SETDB1: variants seen among roughly 807,000 people sequenced by gnomAD.
SETDB1 encodes the protein SET domain bifurcated histone lysine methyltransferase 1, also known as histone-lysine N-methyltransferase SETDB1.
Under a neutral mutation model 137.4 loss-of-function variants are expected in SETDB1, and 31 were observed. The ratio of observed to expected loss-of-function variants is 0.23; its 90% CI spans 0.17 to 0.30. The LOEUF is 0.30. Ranked by LOEUF, SETDB1 falls within the 10% of genes least tolerant of loss-of-function variation. The pLI is 1.00. For missense variants in SETDB1, 1,113 were observed against 1,631.5 expected, an observed-to-expected ratio of 0.68 and a Z score of 5.47; for synonymous variants, 548 against 579.9, an observed-to-expected ratio of 0.95 and a Z score of 0.79.
intron 14 of SETDB1, among the ~76,000 whole-genome samples, chr1:150,951,688 A>T (rs1214440654): frequency 6.6e-6 from 1 of 152,224 alleles, no homozygotes; most frequent in East Asian, 1.9e-4. Context: ...ACATAGAATG[A>T]TTGAATAGTA....
Position 150,963,076 on chromosome 1 carries a change from G to T in SETDB1, c.3397G>T (p.Asp1133Tyr). ...TTCGGCTACAGCGGTTGACAGTGAT[G>T]ATATCCAGACCATATCCTCTGGCTC... The part of the protein sequence containing the change: ...QTSATAVDSD[D>Y]IQTISSGSEG... Residue 1133 changes from aspartate (D) to tyrosine (Y), a missense_variant, in exon 19 of 22, where the codon GAT becomes TAT. Asp to Tyr is a radical substitution (Grantham distance 160). Around this residue, in one of 11 missense-constraint regions of SETDB1, gnomAD observed 373 missense variants for 412.7 expected, o/e 0.90. Coordinates refer to ENST00000692827, the MANE Select transcript of SETDB1 (RefSeq NM_001366418.1). 8.1e-6 allele frequency: 13 copies of T among 1,614,186 alleles called. No individual in the cohort carries two copies. The highest frequency in any genetic ancestry group is 1.0e-5 in the Non-Finnish European group (12 of 1,180,038).
In SETDB1 at chr1:150,945,994, G is replaced by A. The variant is rs966106318; in HGVS notation, c.1140+886G>A. Among the ~76,000 whole-genome samples, 4 of 140,200 alleles carry A rather than the reference G, an allele frequency of 2.9e-5. No homozygotes were observed. In the Middle Eastern group the frequency reaches 0.014, roughly 508 times the overall value. 92.0% of individuals were successfully genotyped at this position (140,200 alleles called of 152,430 possible). Reference sequence around the variant, plus strand: ...TGGGATTACAGGCGTGAGCCACCACGCCTGGCCTGTTTTGTTTTGTTTTGT... The same window carrying A: ...TGGGATTACAGGCGTGAGCCACCACACCTGGCCTGTTTTGTTTTGTTTTGT... On this transcript the variant is annotated intron_variant, in intron 9 of 21. Transcript: ENST00000692827.
Position 150,949,182 on chromosome 1 carries a change from C to G in SETDB1, c.1328C>G (p.Thr443Ser). 3 of 1,613,996 alleles carry G rather than the reference C, an allele frequency of 1.9e-6. No homozygotes were observed. The highest frequency in any genetic ancestry group is 2.5e-6 in the Non-Finnish European group (3 of 1,179,964). Reference sequence around the variant, plus strand: ...ACACAGGATCTGACCGGTACTGGAACCCAGTTCAAGCCAGTGGAACCCCCA... The same window carrying G: ...ACACAGGATCTGACCGGTACTGGAAGCCAGTTCAAGCCAGTGGAACCCCCA... The part of the protein sequence containing the change: ...QYTQDLTGTG[T>S]QFKPVEPPQP... Residue 443 changes from threonine (T) to serine (S), a missense_variant, in exon 11 of 22, where the codon ACC (threonine) becomes AGC (serine). By Grantham distance (58) the Thr-to-Ser change is moderately conservative. This residue lies in a region of SETDB1 where 192 missense variants were observed against 198.1 expected (regional missense o/e 0.97). Coordinates refer to ENST00000692827, the MANE Select transcript of SETDB1 (RefSeq NM_001366418.1).
chr1:150,944,034 C>T (rs1332997440), intron 8 of SETDB1, 41 bp downstream of exon 8: 2 of 1,320,996 alleles, frequency 1.5e-6, no homozygotes, highest in Admixed American at 1.7e-5. Flanking sequence ...GTTTTCTCCT[C>T]TACCTTGTAT....
intron 3 of SETDB1, 83 bp from the exon 4 acceptor site, chr1:150,939,857 C>A: frequency 1.1e-6 from 1 of 948,048 alleles, no homozygotes; most frequent in Non-Finnish European, 1.7e-6. Context: ...CATAATAATG[C>A]TTTTGAGTAA....
At chr1:150,947,727 A>G (rs888698541) in intron 10 of SETDB1, among the ~76,000 whole-genome samples, 13 of 152,120 alleles carry the variant, frequency 8.5e-5, no homozygotes, top group African/African-American at 3.1e-4. Flanking sequence ...AGTGAGCTAG[A>G]TCGTGCCACT....
At chr1:150,930,519 CTTTTTTTTTTTTTTTTT>C (rs61548246) in intron 3 of SETDB1, 1 of 65,814 alleles carries the variant, frequency 1.5e-5, no homozygotes, top group Non-Finnish European at 2.6e-5. Flanking sequence ...TTAGGATTTT[CTTTTTTTTTTTTTTTTT>C]TTTTTTTTTT....
At position 150,962,140 on chromosome 1, in the gene SETDB1, A is replaced by C; in HGVS notation, c.3143A>C (p.Asp1048Ala). 6.2e-7 allele frequency: 1 copy of C among 1,614,088 alleles called. No homozygotes were observed. Among genetic ancestry groups the C allele is most frequent in the Non-Finnish European group, 8.5e-7 (1 of 1,179,990 alleles). Residue 1048 changes from aspartate (D) to alanine (A), a missense_variant, in exon 17 of 22, where the codon GAC becomes GCC. Asp to Ala is a moderately radical substitution (Grantham distance 126). Coordinates refer to ENST00000692827, the MANE Select transcript of SETDB1 (RefSeq NM_001366418.1). ...IKQAKKEDTD[D>A]RNKMSVVTES... is the part of the protein sequence containing the mutation. ...CTTGTTCTTTTCCAGGACACTGACG[A>C]CCGAAACAAGATGTCAGTGTAAGTG... is the stretch of plus-strand genomic sequence containing the variant.
At chr1:150,945,236 G>A in intron 9 of SETDB1, 128 bp downstream of exon 9, 1 of 1,484,668 alleles carries the variant, frequency 6.7e-7, no homozygotes, top group Non-Finnish European at 9.0e-7. Context: ...TGTTCTCACT[G>A]TTTTTGGTCA....
Position 150,927,696 on chromosome 1 carries a change from C to G in SETDB1, c.-11-8C>G. 6.2e-7 allele frequency: 1 copy of G among 1,611,240 alleles called. No homozygotes were observed. Among genetic ancestry groups the G allele is most frequent in the Non-Finnish European group, 8.5e-7 (1 of 1,178,108 alleles). ...ACTCCAATTTAATTTGTTTTCTGTT[C>G]CATGCAGAGGACAAAAGCATGTCTT... On this transcript the variant is annotated splice_polypyrimidine_tract_variant and splice_region_variant and intron_variant, in intron 1 of 21. Coordinates refer to ENST00000692827, the MANE Select transcript of SETDB1 (RefSeq NM_001366418.1).
chr1:150,961,189 G>C lies in SETDB1; in HGVS notation c.3130G>C (p.Glu1044Gln). The C allele has an allele frequency of 1.9e-6, 3 of 1,612,710 alleles. No individual in the cohort carries two copies. Among genetic ancestry groups the C allele is most frequent in the Non-Finnish European group, 2.5e-6 (3 of 1,179,936 alleles). Residue 1044 changes from glutamate (E) to glutamine (Q), a missense_variant and splice_region_variant, in exon 16 of 22, where the codon GAG becomes CAG. This residue lies in a region of SETDB1 where 373 missense variants were observed against 412.7 expected (regional missense o/e 0.90). Transcript: ENST00000692827. ...DEGDIKQAKK[E>Q]DTDDRNKMSV... Reference sequence around the variant, plus strand: ...GGGAGACATCAAACAGGCCAAGAAAGAGGTAAGCAGTGGCAGAACACTCTG... The same window carrying C: ...GGGAGACATCAAACAGGCCAAGAAACAGGTAAGCAGTGGCAGAACACTCTG...
At chr1:150,939,041 C>T (rs1027498060) in intron 3 of SETDB1, among the ~76,000 whole-genome samples, 2 of 151,886 alleles carry the variant, frequency 1.3e-5, no homozygotes, top group South Asian at 2.1e-4. Flanking sequence ...TTGGTTCAAG[C>T]GATTTTCTTG....
intron 16 of SETDB1, 69 bp from the exon 17 acceptor site, chr1:150,962,061 G>C: frequency 6.3e-7 from 1 of 1,589,078 alleles, no homozygotes; most frequent in Non-Finnish European, 8.6e-7. Context: ...GAGGTCATTT[G>C]AAGTCTGATT....
chr1:150,949,127 G>T lies in SETDB1; in HGVS notation c.1273G>T (p.Val425Leu). The change falls in exon 11 of 22, where the codon GTG (valine) becomes TTG (leucine). Residue 425 changes from valine (V) to leucine (L), a missense_variant. Physicochemically the swap from Val to Leu is conservative, Grantham distance 32. Around this residue, in one of 11 missense-constraint regions of SETDB1, gnomAD observed 154 missense variants for 303.1 expected, o/e 0.51. Transcript: ENST00000692827. ...QLRTRPNMGA[V>L]RSKGPVVQYT... is the part of the protein sequence containing the mutation. Reference sequence around the variant, plus strand: ...CAATTTCCTTTTTCCTATAGGTGCTGTGAGGAGCAAAGGCCCTGTTGTCCA... The same window carrying T: ...CAATTTCCTTTTTCCTATAGGTGCTTTGAGGAGCAAAGGCCCTGTTGTCCA... The T allele has an allele frequency of 6.2e-7, 1 of 1,613,584 alleles. No homozygotes were observed. Among genetic ancestry groups the T allele is most frequent in the Non-Finnish European group, 8.5e-7 (1 of 1,179,790 alleles).
At chr1:150,951,994 A>G (rs1670500420) in intron 14 of SETDB1, among the ~76,000 whole-genome samples, 1 of 150,492 alleles carries the variant, frequency 6.6e-6, no homozygotes, top group Admixed American at 6.6e-5. Context: ...CTAAAAATAC[A>G]AAAATTAGCC....
chr1:150,945,001 A>G lies in SETDB1; in HGVS notation c.1033A>G (p.Met345Val). Residue 345 changes from methionine (M) to valine (V), a missense_variant, in exon 9 of 22, where the codon ATG (methionine) becomes GTG (valine). By Grantham distance (21) the Met-to-Val change is conservative. Around this residue, in one of 11 missense-constraint regions of SETDB1, gnomAD observed 154 missense variants for 303.1 expected, o/e 0.51. Transcript: ENST00000692827. ...TGTCACTGCCTACCCCAACCGCCCC[A>G]TGGTACTGCTCAAGAGTGGCCAGCT... ...EYVTAYPNRP[M>V]VLLKSGQLIK... The G allele has an allele frequency of 6.2e-7, 1 of 1,614,110 alleles. No individual in the cohort carries two copies. Among genetic ancestry groups the G allele is most frequent in the Non-Finnish European group, 8.5e-7 (1 of 1,180,012 alleles).
At chr1:150,946,553 A>G (rs771215370) in intron 9 of SETDB1, among the ~76,000 whole-genome samples, 29 of 151,806 alleles carry the variant, frequency 1.9e-4, no homozygotes, top group Non-Finnish European at 3.4e-4. Context: ...GGTTCAAGCA[A>G]TTCTCCTGCC....
intron 5 of SETDB1, among the ~76,000 whole-genome samples, chr1:150,941,802 C>T (rs950041203): frequency 3.3e-5 from 5 of 151,582 alleles, no homozygotes; most frequent in Non-Finnish European, 7.4e-5. Context: ...AGACCAGCCT[C>T]GGCAACATAG....
At chr1:150,953,554 C>T (rs1400568390) in intron 14 of SETDB1, among the ~76,000 whole-genome samples, 3 of 150,836 alleles carry the variant, frequency 2.0e-5, no homozygotes, top group Non-Finnish European at 2.9e-5. Flanking sequence ...GTTGGCCATG[C>T]GCGGTGGCTC....
Sources: gnomAD v4.1 joint callset for allele counts (sites outside exome capture counted in the v4.1 genomes callset) on GRCh38, gnomAD v4.1.1 for gene constraint, gnomAD v4.1.1 regional missense constraint, MANE v1.5 for transcripts, NCBI Gene and HGNC (gene_info 2026-07-23, HGNC 2026-07-21) for gene names.